PGS1: variants seen among roughly 807,000 people sequenced by gnomAD.
PGS1 encodes CDP-diacylglycerol--glycerol-3-phosphate 3-phosphatidyltransferase, mitochondrial.
A neutral mutation model predicts 58.3 loss-of-function variants in PGS1; 44 were observed. The observed-to-expected ratio is 0.75, with a 90% CI of 0.59 to 0.97. The LOEUF is 0.97. PGS1 is among the 50% of genes least tolerant of loss of function. PGS1 has a pLI of 0.00. For missense variants in PGS1, 684 were observed against 731.1 expected, an observed-to-expected ratio of 0.94 and a Z score of 0.74; for synonymous variants, 330 against 311.0, an observed-to-expected ratio of 1.06 and a Z score of -0.64.
intron 7 of PGS1, among the ~76,000 whole-genome samples, chr17:78,404,436 A>G (rs1478064332): frequency 2.6e-5 from 4 of 151,364 alleles, no homozygotes; most frequent in East Asian, 2.0e-4. Flanking sequence ...GCGTGCCACC[A>G]TGTCTGGCTA....
chr17:78,394,654 CA>C (rs1458364341), intron 2 of PGS1, among the ~76,000 whole-genome samples: 2 of 151,960 alleles, frequency 1.3e-5, no homozygotes, highest in Non-Finnish European at 2.9e-5. Flanking sequence ...CTCCTGGGTT[CA>C]AGTGATTCTC....
At chr17:78,407,202 G>A (rs2084228873) in intron 7 of PGS1, among the ~76,000 whole-genome samples, 1 of 152,148 alleles carries the variant, frequency 6.6e-6, no homozygotes, top group Non-Finnish European at 1.5e-5. Flanking sequence ...GGCAGAGGTG[G>A]GTGAGGGATG....
At chr17:78,398,448 A>G in intron 4 of PGS1, 97 bp downstream of exon 4, 1 of 824,264 alleles carries the variant, frequency 1.2e-6, no homozygotes, top group Non-Finnish European at 2.0e-6. Context: ...GGCAGAGTCA[A>G]GGCTATTTGA....
chr17:78,400,580 C>T lies in PGS1; in HGVS notation c.702-97C>T. Reference sequence around the variant, plus strand: ...TAACTGCATCTTGACCTGAGTTTGTCACCCCCCTGCTAGTTCACCTGAGAC... The same window carrying T: ...TAACTGCATCTTGACCTGAGTTTGTTACCCCCCTGCTAGTTCACCTGAGAC... On this transcript the variant is annotated intron_variant, in intron 5 of 9. Coordinates refer to ENST00000262764, the MANE Select transcript of PGS1 (RefSeq NM_024419.5). This position sits in a 1 kb window ranked among gnomAD's most constrained non-coding sequence, Gnocchi z 4.4. The T allele has an allele frequency of 1.0e-6, 1 of 973,822 alleles. No individual in the cohort carries two copies. The highest frequency in any genetic ancestry group is 1.6e-6 in the Non-Finnish European group (1 of 625,214). 60.3% of individuals were successfully genotyped at this position (973,822 alleles called of 1,614,324 possible).
intron 7 of PGS1, among the ~76,000 whole-genome samples, chr17:78,411,845 G>A (rs938282982): frequency 6.7e-6 from 1 of 148,498 alleles, no homozygotes; most frequent in Non-Finnish European, 1.5e-5. Flanking sequence ...TCTGACCGGA[G>A]CTCCAGACCG....
At chr17:78,389,263 T>C (rs990604097) in intron 1 of PGS1, among the ~76,000 whole-genome samples, 1 of 151,822 alleles carries the variant, frequency 6.6e-6, no homozygotes, top group African/African-American at 2.4e-5. Context: ...CTCAGCTCAC[T>C]GCAACCTCCG....
chr17:78,419,623 G>A lies in PGS1; in HGVS notation c.1629G>A (p.Leu543=). 1 of 1,614,152 alleles carries A rather than the reference G, an allele frequency of 6.2e-7. No individual in the cohort carries two copies. ...AGCAGCCGAGTCGCCAGGTGAAGCT[G>A]TGGGTGAAGATGGTGACTCCACTGA... The part of the protein sequence containing the change: ...TFEQPSRQVK[L]WVKMVTPLIK... The change falls in exon 9 of 10, where the codon CTG becomes CTA. Residue 543 remains leucine (L), a synonymous_variant. Transcript: ENST00000262764.
In PGS1 at chr17:78,400,622, C is replaced by T. The variant is rs2083581849; in HGVS notation, c.702-55C>T. ...ACCTGAGACCTGGGTCACCAGGACA[C>T]GCTGCTGCATACCCTTGCCTGAGTC... On this transcript the variant is annotated intron_variant, in intron 5 of 9. Transcript: ENST00000262764. The surrounding 1 kb of genome is among the most constrained non-coding windows in gnomAD (Gnocchi z 4.4). The T allele has an allele frequency of 7.9e-6, 12 of 1,526,044 alleles. No homozygotes were observed. Among genetic ancestry groups the T allele is most frequent in the South Asian group, 3.4e-5 (3 of 88,204 alleles). The allele number at this position is 1,526,044 out of a possible 1,614,324, so 94.5% of individuals were successfully genotyped here.
intron 8 of PGS1, among the ~76,000 whole-genome samples, 187 bp from the exon 9 acceptor site, chr17:78,419,359 T>G (rs1202502991): frequency 6.6e-6 from 1 of 152,180 alleles, no homozygotes; most frequent in African/African-American, 2.4e-5. Context: ...AAGGAATGTT[T>G]GACAGTGGCA....
chr17:78,402,044 TGTGCG>T, intron 6 of PGS1, among the ~76,000 whole-genome samples: 1 of 22,662 alleles, frequency 4.4e-5, no homozygotes, highest in Non-Finnish European at 9.9e-5. Flanking sequence ...AGGCTCAGGG[TGTGCG>T]CAGGGCCCCC....
At chr17:78,388,904 T>C (rs1432556953) in intron 1 of PGS1, among the ~76,000 whole-genome samples, 8 of 152,110 alleles carry the variant, frequency 5.3e-5, no homozygotes, top group Non-Finnish European at 7.4e-5. Flanking sequence ...ACCAAGGTTG[T>C]GGGAGGCAGA....
chr17:78,381,293 C>A (rs1275358200), intron 1 of PGS1, among the ~76,000 whole-genome samples: 1 of 152,168 alleles, frequency 6.6e-6, no homozygotes, highest in Non-Finnish European at 1.5e-5. Context: ...GATTGTTTCT[C>A]TGGGACAACA....
At chr17:78,412,899 G>A (rs1052988777) in intron 7 of PGS1, among the ~76,000 whole-genome samples, 1 of 152,154 alleles carries the variant, frequency 6.6e-6, no homozygotes, top group South Asian at 2.1e-4. Context: ...TGAGGCTGGC[G>A]GACGCCTGCC....
At position 78,403,762 on chromosome 17, in the gene PGS1, C is replaced by G. The variant is rs755285138; in HGVS notation, c.1075C>G (p.Pro359Ala). The G allele has an allele frequency of 6.2e-7, 1 of 1,614,216 alleles. No individual in the cohort carries two copies. The highest frequency in any genetic ancestry group is 8.5e-7 in the Non-Finnish European group (1 of 1,180,042). Residue 359 changes from proline to alanine, a missense_variant, in exon 7 of 10, where the codon CCC becomes GCC. Pro to Ala is a conservative substitution (Grantham distance 27, BLOSUM62 -1). Coordinates refer to ENST00000262764, the MANE Select transcript of PGS1 (RefSeq NM_024419.5). The part of the protein sequence containing the change: ...TWIYPLIQMK[P>A]FEIQIDEIVT... ...GATTTATCCGCTGATTCAGATGAAG[C>G]CCTTCGAGATTCAAATCGATGAGAT... is the stretch of plus-strand genomic sequence containing the variant.
intron 7 of PGS1, among the ~76,000 whole-genome samples, chr17:78,413,592 A>G (rs1598373740): frequency 6.6e-6 from 1 of 152,038 alleles, no homozygotes; most frequent in East Asian, 1.9e-4. Context: ...ACCCCCACTC[A>G]CACCTGCTCA....
intron 7 of PGS1, among the ~76,000 whole-genome samples, chr17:78,414,083 T>C (rs1297176220): frequency 1.3e-5 from 2 of 152,226 alleles, no homozygotes; most frequent in Non-Finnish European, 2.9e-5. Context: ...CCCTGGGCCC[T>C]GTGGGCAGTG....
chr17:78,386,814 A>T (rs1167684067), intron 1 of PGS1, among the ~76,000 whole-genome samples: 1 of 152,182 alleles, frequency 6.6e-6, no homozygotes, highest in Non-Finnish European at 1.5e-5. Flanking sequence ...ACATTGTGGA[A>T]AGCCGGGAAC....
intron 1 of PGS1, among the ~76,000 whole-genome samples, chr17:78,381,313 G>A (rs1162038371): frequency 2.0e-5 from 3 of 152,186 alleles, no homozygotes; most frequent in Non-Finnish European, 4.4e-5. Context: ...AGTTCAACCA[G>A]CAACTCAGTT....
intron 1 of PGS1, among the ~76,000 whole-genome samples, chr17:78,379,348 G>C (rs2081866080): frequency 6.6e-6 from 1 of 152,132 alleles, no homozygotes; most frequent in Non-Finnish European, 1.5e-5. Flanking sequence ...ACTCAGGCAT[G>C]GGAAGAGGAG....
Sources: allele counts gnomAD v4.1 joint callset (sites outside exome capture counted in the v4.1 genomes callset), GRCh38; gene constraint gnomAD v4.1.1; non-coding constraint Gnocchi (gnomAD v3.1); transcripts MANE v1.5; gene names NCBI Gene and HGNC (gene_info 2026-07-23, HGNC 2026-07-21).